The following ADPRM variants were observed in gnomAD, a reference collection of about 807,000 sequenced individuals.
ADPRM encodes the protein ADP-ribose/CDP-alcohol diphosphatase, manganese dependent.
A neutral mutation model predicts 27.2 loss-of-function variants in ADPRM; 17 were observed. The ratio of observed to expected loss-of-function variants is 0.63; its 90% confidence interval spans 0.43 to 0.94. ADPRM has a LOEUF of 0.94. ADPRM is among the 40% of genes least tolerant of loss of function. ADPRM has a pLI of 0.00. For synonymous variants in ADPRM, 135 were observed against 145.3 expected (o/e 0.93, Z 0.51); for missense variants, 337 against 412.8 (o/e 0.82, Z 1.59).
intron 1 of ADPRM, among the ~76,000 whole-genome samples, chr17:10,699,686 G>A (rs1279364337): frequency 6.6e-6 from 1 of 151,632 alleles, no homozygotes; most frequent in Non-Finnish European, 1.5e-5. Flanking sequence ...CACCAGGCCT[G>A]TCTAATTTAA....
intron 3 of ADPRM, among the ~76,000 whole-genome samples, chr17:10,706,992 C>T (rs944042365): frequency 2.6e-5 from 4 of 152,032 alleles, no homozygotes; most frequent in Non-Finnish European, 5.9e-5. Context: ...AGAATATTGA[C>T]ATTAATACAA....
chr17:10,701,482 C>T (rs2074777984), intron 1 of ADPRM, among the ~76,000 whole-genome samples: 1 of 152,074 alleles, frequency 6.6e-6, no homozygotes, highest in African/African-American at 2.4e-5. Flanking sequence ...AGGCGCCTGC[C>T]ACCACACCCG....
In ADPRM at chr17:10,711,081, A is replaced by G. The variant is rs2074850532; in HGVS notation, c.966A>G (p.Lys322=). The change falls in exon 4 of 4, where the codon AAA becomes AAG. Residue 322 remains lysine (K), a synonymous_variant. Coordinates refer to ENST00000379774, the MANE Select transcript of ADPRM (RefSeq NM_020233.5). ...VHVYPDKMML[K]GRGRVPDRIM... ...TCTATCCTGACAAAATGATGTTGAA[A>G]GGGAGAGGCAGAGTTCCAGATAGAA... The G allele has an allele frequency of 1.2e-6, 2 of 1,614,134 alleles. No individual in the cohort carries two copies. Among genetic ancestry groups the G allele is most frequent in the Non-Finnish European group, 1.7e-6 (2 of 1,179,948 alleles).
intron 1 of ADPRM, among the ~76,000 whole-genome samples, chr17:10,701,718 A>AT (rs1042723847): frequency 1.3e-5 from 2 of 152,170 alleles, no homozygotes; most frequent in East Asian, 1.9e-4. Context: ...GTACTCACTG[A>AT]TTTTTTTGTG....
chr17:10,705,107 A>G lies in ADPRM; in HGVS notation c.181A>G (p.Asn61Asp), dbSNP rs772727299. Residue 61 changes from asparagine (N) to aspartate (D), a missense_variant, in exon 2 of 4, where the codon AAT becomes GAT. Asn to Asp is a conservative substitution (Grantham distance 23). Transcript: ENST00000379774. This position sits in a 1 kb window ranked among gnomAD's most constrained non-coding sequence, Gnocchi z 5.4. ...HLQGAIEDWN[N>D]ESSMPCCVLQ... The stretch of plus-strand genomic sequence containing the variant: ...ACAGGGTGCCATTGAAGACTGGAAT[A>G]ATGAAAGCAGCATGCCCTGTTGTGT... The G allele has an allele frequency of 6.2e-7, 1 of 1,614,172 alleles. No individual in the cohort carries two copies. Among genetic ancestry groups the G allele is most frequent in the Non-Finnish European group, 8.5e-7 (1 of 1,180,032 alleles).
At chr17:10,698,806 T>A (rs1277612552) in intron 1 of ADPRM, among the ~76,000 whole-genome samples, 1 of 152,260 alleles carries the variant, frequency 6.6e-6, no homozygotes, top group Non-Finnish European at 1.5e-5. Flanking sequence ...TTTTTTTCTA[T>A]CTTATAGTTG....
chr17:10,701,032 C>T (rs2074773284), intron 1 of ADPRM, among the ~76,000 whole-genome samples: 1 of 152,116 alleles, frequency 6.6e-6, no homozygotes, highest in South Asian at 2.1e-4. Flanking sequence ...TTACTGTGAT[C>T]ATAACTCAGT....
chr17:10,697,617 C>A lies in ADPRM; in HGVS notation c.-68C>A. 7.4e-7 allele frequency: 1 copy of A among 1,355,486 alleles called. No individual in the cohort carries two copies. Among genetic ancestry groups the A allele is most frequent in the South Asian group, 1.2e-5 (1 of 81,768 alleles). 84.0% of individuals were successfully genotyped at this position (1,355,486 alleles called of 1,614,324 possible). ...CTGTCCGTCCCGCTCGTTGGTGGCG[C>A]TGTTACATAGCCCGTAGTCAGAGGC... On this transcript the variant is annotated 5_prime_UTR_variant, in exon 1 of 4. It adds an upstream start codon to the 5' untranslated region. Coordinates refer to ENST00000379774, the MANE Select transcript of ADPRM (RefSeq NM_020233.5).
chr17:10,703,166 T>G (rs1205282697), intron 1 of ADPRM, among the ~76,000 whole-genome samples: 1 of 147,732 alleles, frequency 6.8e-6, no homozygotes, highest in Non-Finnish European at 1.5e-5. Context: ...TCTATTAATC[T>G]GAACTTGGAA....
chr17:10,705,000 A>T lies in ADPRM; in HGVS notation c.74A>T (p.Asp25Val), dbSNP rs762714267. The T allele has an allele frequency of 1.9e-6, 3 of 1,614,188 alleles. No homozygotes were observed. ...ERLFSFGVIA[D>V]VQFADLEDGF... ...CTTTTCTCCTTTGGCGTCATCGCAG[A>T]TGTTCAATTTGCAGACTTAGAAGAT... Residue 25 changes from aspartate to valine, a missense_variant, in exon 2 of 4, where the codon GAT becomes GTT. Physicochemically the swap from Asp to Val is radical, Grantham distance 152. Coordinates refer to ENST00000379774, the MANE Select transcript of ADPRM (RefSeq NM_020233.5).
Position 10,710,997 on chromosome 17 carries a change from C to G in ADPRM, c.882C>G (p.Val294=). The G allele has an allele frequency of 6.2e-7, 1 of 1,614,114 alleles. No individual in the cohort carries two copies. Among genetic ancestry groups the G allele is most frequent in the Non-Finnish European group, 8.5e-7 (1 of 1,180,034 alleles). ...YSEDPFGVYH[V]NLEGVIETAP... ...AGGATCCTTTTGGTGTATACCACGT[C>G]AACCTAGAAGGAGTTATTGAAACAG... The change falls in exon 4 of 4, where the codon GTC becomes GTG. Residue 294 remains valine, a synonymous_variant. Coordinates refer to ENST00000379774, the MANE Select transcript of ADPRM (RefSeq NM_020233.5).
chr17:10,703,299 C>G (rs1324223645), intron 1 of ADPRM, among the ~76,000 whole-genome samples: 2 of 151,916 alleles, frequency 1.3e-5, no homozygotes, highest in Non-Finnish European at 2.9e-5. Flanking sequence ...ATTTATACAC[C>G]CTCATACATA....
chr17:10,699,518 CTTTTTTTTTTTT>C (rs781412834), intron 1 of ADPRM, among the ~76,000 whole-genome samples: 3 of 113,320 alleles, frequency 2.6e-5, no homozygotes, highest in Non-Finnish European at 3.7e-5. Context: ...TCTTTTCTTT[CTTTTTTTTTTTT>C]TTTTTTTTTT....
rs1483229595 is a variant in ADPRM, at chr17:10,705,052, G to A, written c.126G>A (p.Arg42=). 6.2e-7 allele frequency: 1 copy of A among 1,614,094 alleles called. No homozygotes were observed. The highest frequency in any genetic ancestry group is 1.1e-5 in the South Asian group (1 of 91,074). Residue 42 remains arginine (R), a synonymous_variant, in exon 2 of 4, where the codon CGG becomes CGA. Coordinates refer to ENST00000379774, the MANE Select transcript of ADPRM (RefSeq NM_020233.5). This position sits in a 1 kb window ranked among gnomAD's most constrained non-coding sequence, Gnocchi z 5.4. The part of the protein sequence containing the change: ...EDGFNFQGTR[R]RYYRHSLLHL... ...GCTTTAATTTCCAAGGAACCAGGCG[G>A]CGATACTACAGACATAGTCTTCTTC...
chr17:10,711,125 A>G lies in ADPRM; in HGVS notation c.1010A>G (p.Glu337Gly), dbSNP rs406446. 695,049 of 1,605,012 alleles carry G rather than the reference A, an allele frequency of 0.43. 153,701 individuals are homozygous for G. Among genetic ancestry groups the G allele is most frequent in the African/African-American group, 0.64 (47,881 of 74,684 alleles). The change falls in exon 4 of 4, where the codon GAA becomes GGA. Residue 337 changes from glutamate (E) to glycine (G), a missense_variant. Coordinates refer to ENST00000379774, the MANE Select transcript of ADPRM (RefSeq NM_020233.5). ...VPDRIMNYKK[E>G]RAFHC Reference sequence around the variant, plus strand: ...GATAGAATTATGAATTACAAGAAAGAAAGAGCCTTCCATTGTTAGTCTAAT... The same window carrying G: ...GATAGAATTATGAATTACAAGAAAGGAAGAGCCTTCCATTGTTAGTCTAAT...
chr17:10,710,596 G>A (rs2074844851), intron 3 of ADPRM, among the ~76,000 whole-genome samples: 1 of 152,146 alleles, frequency 6.6e-6, no homozygotes, highest in South Asian at 2.1e-4. Context: ...TCAGGGTTTT[G>A]CCTCTACAGC....
chr17:10,710,763 T>C, intron 3 of ADPRM, 71 bp from the exon 4 acceptor site: 1 of 1,441,024 alleles, frequency 6.9e-7, no homozygotes. Flanking sequence ...AGTACTAGCT[T>C]TTAGCCATTT....
intron 3 of ADPRM, 151 bp downstream of exon 3, chr17:10,706,705 A>G (rs2271227): frequency 0.43 from 196,425 of 461,414 alleles, 43,683 homozygotes; most frequent in East Asian, 0.49. Flanking sequence ...CCACCTGAAT[A>G]TAAGATTAAC....
intron 1 of ADPRM, among the ~76,000 whole-genome samples, chr17:10,703,542 C>A (rs1280675542): frequency 8.2e-6 from 1 of 121,728 alleles, no homozygotes; most frequent in African/African-American, 3.1e-5. Context: ...AAAAGAGGCC[C>A]CTAATTCTCA....
Sources: gnomAD v4.1 joint callset for allele counts (sites outside exome capture counted in the v4.1 genomes callset) on GRCh38, gnomAD v4.1.1 for gene constraint, Gnocchi (gnomAD v3.1) non-coding constraint, MANE v1.5 for transcripts, NCBI Gene and HGNC (gene_info 2026-07-23, HGNC 2026-07-21) for gene names.